The following COL24A1 variants were observed in gnomAD, a reference collection of about 807,000 sequenced individuals.
COL24A1 encodes the protein collagen alpha-1(XXIV) chain.
A neutral mutation model predicts 253.9 loss-of-function variants in COL24A1; 224 were observed. The observed-to-expected ratio is 0.88, with a 90% CI of 0.79 to 0.99. The LOEUF is 0.99. Ranked by LOEUF, COL24A1 falls within the 50% of genes least tolerant of loss-of-function variation. The pLI is 0.00. For missense variants in COL24A1, 2,131 were observed against 2,068.5 expected (o/e 1.03, Z -0.59); for synonymous variants, 685 against 673.7 (o/e 1.02, Z -0.26).
chr1:86,068,694 C>T (rs1701660502), intron 7 of COL24A1, among the ~76,000 whole-genome samples: 1 of 152,042 alleles, frequency 6.6e-6, no homozygotes, highest in Admixed American at 6.6e-5. Context: ...CAGTGCAGCT[C>T]ATAACAAGGA....
In COL24A1 at chr1:86,126,073, G is replaced by A; in HGVS notation, c.263C>T (p.Ala88Val). 3 of 1,613,516 alleles carry A rather than the reference G, an allele frequency of 1.9e-6. No homozygotes were observed. The highest frequency in any genetic ancestry group is 2.5e-6 in the Non-Finnish European group (3 of 1,179,760). ...TTTCACGAAAGGTGTCTCGATATAAGCATCATTTTTAAAAATGACTCCTGA... is the reference window on the plus strand; with the variant it reads ...TTTCACGAAAGGTGTCTCGATATAAACATCATTTTTAAAAATGACTCCTGA... ...TESGVIFKND[A>V]YIETPFVKIL... The change falls in exon 3 of 60, where the codon GCT becomes GTT. Residue 88 changes from alanine (A) to valine (V), a missense_variant. Ala to Val is a moderately conservative substitution (Grantham distance 64, BLOSUM62 0). Coordinates refer to ENST00000370571, the MANE Select transcript of COL24A1 (RefSeq NM_152890.7).
At chr1:86,084,434 C>T (rs1702895408) in intron 7 of COL24A1, among the ~76,000 whole-genome samples, 1 of 152,204 alleles carries the variant, frequency 6.6e-6, no homozygotes, top group African/African-American at 2.4e-5. Context: ...CTCAGGCATA[C>T]AACAGACTCA....
intron 7 of COL24A1, among the ~76,000 whole-genome samples, chr1:86,072,785 A>G (rs1223732941): frequency 1.3e-5 from 2 of 152,204 alleles, no homozygotes; most frequent in African/African-American, 2.4e-5. Flanking sequence ...TTCCAGAGGA[A>G]GGAGCAGGCA....
At chr1:86,090,799 T>C (rs1324987051) in intron 6 of COL24A1, among the ~76,000 whole-genome samples, 2 of 152,114 alleles carry the variant, frequency 1.3e-5, no homozygotes, top group African/African-American at 4.8e-5. Context: ...TCTTAATATG[T>C]TTCTGTTATA....
intron 24 of COL24A1, among the ~76,000 whole-genome samples, chr1:85,919,904 A>C (rs1686275576): frequency 6.6e-6 from 1 of 152,250 alleles, no homozygotes; most frequent in Admixed American, 6.5e-5. Flanking sequence ...ATAAAATTGA[A>C]AAACTGTGAA....
chr1:86,096,325 G>A (rs546071367), intron 5 of COL24A1, among the ~76,000 whole-genome samples: 9 of 152,206 alleles, frequency 5.9e-5, no homozygotes, highest in African/African-American at 1.4e-4. Context: ...TAAATTGTGA[G>A]AATATCACAA....
chr1:85,998,893 G>A (rs1695129825), intron 19 of COL24A1, among the ~76,000 whole-genome samples: 2 of 152,170 alleles, frequency 1.3e-5, no homozygotes, highest in South Asian at 2.1e-4. Context: ...CAAAAAAGTT[G>A]ACACTCTGGA....
Position 86,022,524 on chromosome 1 carries a change from G to A in COL24A1, c.2202+14C>T, listed in dbSNP as rs201983840. The A allele has an allele frequency of 2.1e-5, 33 of 1,598,488 alleles. No homozygotes were observed. Among genetic ancestry groups the A allele is most frequent in the Non-Finnish European group, 2.8e-5 (33 of 1,169,666 alleles). On this transcript the variant is annotated intron_variant, in intron 17 of 59. Transcript: ENST00000370571. ...TTTTTCATATTTACATAAAATTAATGGTATAAACATTACCTTGTCTCCAGG... is the reference window on the plus strand; with the variant it reads ...TTTTTCATATTTACATAAAATTAATAGTATAAACATTACCTTGTCTCCAGG...
In COL24A1 at chr1:85,842,466, A is replaced by G. The variant is rs1676719478; in HGVS notation, c.3463-73T>C. 1.2e-5 allele frequency: 12 copies of G among 998,072 alleles called. No individual in the cohort carries two copies. The South Asian group carries it at 1.6e-4, about 13-fold the overall frequency. The allele number at this position is 998,072 out of a possible 1,614,324, so 61.8% of individuals were successfully genotyped here. On this transcript the variant is annotated intron_variant, in intron 39 of 59. Coordinates refer to ENST00000370571, the MANE Select transcript of COL24A1 (RefSeq NM_152890.7). Reference sequence around the variant, plus strand: ...TTTAAATCATTAGACTTCTACTCCTATTGTTTAAATTGTTACCTTTAGATT... The same window carrying G: ...TTTAAATCATTAGACTTCTACTCCTGTTGTTTAAATTGTTACCTTTAGATT...
chr1:85,781,938 C>G (rs913591205), intron 51 of COL24A1, among the ~76,000 whole-genome samples: 1 of 152,172 alleles, frequency 6.6e-6, no homozygotes, highest in Non-Finnish European at 1.5e-5. Context: ...ACAAAATGCC[C>G]ATTTTAGTTT....
chr1:85,897,455 A>T (rs1049112205), intron 28 of COL24A1, among the ~76,000 whole-genome samples: 1 of 152,184 alleles, frequency 6.6e-6, no homozygotes, highest in African/African-American at 2.4e-5. Context: ...GGAATAAAAA[A>T]AAAAAGAAAG....
Position 85,734,929 on chromosome 1 carries a change from G to A in COL24A1, c.4818C>T (p.Phe1606=). ...EFGVGKVQMN[F]LHLLSSEATH... ...TGGCTTCCGAACTCAGTAAATGAAG[G>A]AAGTTCATCTGGACTTTCCCAACTC... Residue 1606 remains phenylalanine, a synonymous_variant, in exon 59 of 60, where the codon TTC becomes TTT. Coordinates refer to ENST00000370571, the MANE Select transcript of COL24A1 (RefSeq NM_152890.7). The A allele has an allele frequency of 6.8e-6, 11 of 1,614,150 alleles. No homozygotes were observed. Among genetic ancestry groups the A allele is most frequent in the Non-Finnish European group, 9.3e-6 (11 of 1,180,028 alleles).
intron 20 of COL24A1, among the ~76,000 whole-genome samples, chr1:85,975,745 G>A (rs1445756779): frequency 4.6e-5 from 7 of 152,166 alleles, no homozygotes; most frequent in African/African-American, 1.2e-4. Flanking sequence ...TCCTCTGACA[G>A]AAATGGCATG....
chr1:86,126,376 G>A (rs1412798012), intron 2 of COL24A1, among the ~76,000 whole-genome samples, 162 bp from the exon 3 acceptor site: 6 of 151,902 alleles, frequency 3.9e-5, no homozygotes, highest in Non-Finnish European at 7.4e-5. Flanking sequence ...AAATAGGGAG[G>A]GGGAGAGTAA....
At chr1:86,000,443 G>T (rs940983886) in intron 19 of COL24A1, among the ~76,000 whole-genome samples, 1 of 152,086 alleles carries the variant, frequency 6.6e-6, no homozygotes, top group Non-Finnish European at 1.5e-5. Flanking sequence ...TTAATCACAC[G>T]TGCTCTTTCA....
In COL24A1 at chr1:85,892,369, G is replaced by A. The variant is rs1040988174; in HGVS notation, c.2923-2756C>T. Among the ~76,000 whole-genome samples, 18 of 151,980 alleles carry A rather than the reference G, an allele frequency of 1.2e-4. No individual in the cohort carries two copies. In the South Asian group the frequency reaches 3.3e-3, roughly 28 times the overall value. On this transcript the variant is annotated intron_variant, in intron 31 of 59. Coordinates refer to ENST00000370571, the MANE Select transcript of COL24A1 (RefSeq NM_152890.7). ...TCTGTCAACCTAAAATCTGATATCCGGTGAAAGTATACTTCAAAAGTAAAG... is the reference window on the plus strand; with the variant it reads ...TCTGTCAACCTAAAATCTGATATCCAGTGAAAGTATACTTCAAAAGTAAAG...
At chr1:86,113,116 C>T (rs1448597902) in intron 4 of COL24A1, among the ~76,000 whole-genome samples, 1 of 152,202 alleles carries the variant, frequency 6.6e-6, no homozygotes, top group Non-Finnish European at 1.5e-5. Flanking sequence ...GATTTTGCAT[C>T]ACTGATAAAT....
At chr1:85,839,150 G>A (rs1186883340) in intron 42 of COL24A1, among the ~76,000 whole-genome samples, 1 of 152,134 alleles carries the variant, frequency 6.6e-6, no homozygotes, top group Non-Finnish European at 1.5e-5. Context: ...AGTGAGTCAT[G>A]TTTGCACCAC....
At chr1:85,868,731 A>C in intron 36 of COL24A1, 51 bp downstream of exon 36, 1 of 1,414,478 alleles carries the variant, frequency 7.1e-7, no homozygotes, top group South Asian at 1.3e-5. Context: ...TAATATTTTA[A>C]AGATTTTACA....
Sources: gnomAD v4.1 joint callset for allele counts (sites outside exome capture counted in the v4.1 genomes callset) on GRCh38, gnomAD v4.1.1 for gene constraint, MANE v1.5 for transcripts, NCBI Gene and HGNC (gene_info 2026-07-23, HGNC 2026-07-21) for gene names.